Variants in MS4A15 observed in about 807,000 individuals in gnomAD.
MS4A15 encodes membrane-spanning 4-domains subfamily A member 15.
MS4A15 carries 22 observed loss-of-function variants against 20.6 expected under a neutral mutation model. The ratio of observed to expected loss-of-function variants is 1.07; its 90% CI spans 0.76 to 1.52. The LOEUF (loss-of-function observed/expected upper bound fraction) is 1.52. Among genes scored for constraint, MS4A15 ranks in the 40% most tolerant of loss-of-function variants. The pLI is 0.00. For missense variants in MS4A15, 312 were observed against 323.0 expected (o/e 0.97, Z 0.26); for synonymous variants, 129 against 129.3 (o/e 1.00, Z 0.02).
Position 60,771,312 on chromosome 11 carries a change from T to C in MS4A15, c.370T>C (p.Ser124Pro), listed in dbSNP as rs1332866368. 13 of 1,613,968 alleles carry C rather than the reference T, an allele frequency of 8.1e-6. No individual in the cohort carries two copies. Among genetic ancestry groups the C allele is most frequent in the Non-Finnish European group, 1.0e-5 (12 of 1,180,020 alleles). ...GACFIISGSLSVAAEKNHTSC... is the reference protein window; with the variant it reads ...GACFIISGSLPVAAEKNHTSC... Reference sequence around the variant, plus strand: ...ACAGTTCATCATCTCCGGATCCCTCTCAGTGGCAGCCGAGAAGAACCACAC... The same window carrying C: ...ACAGTTCATCATCTCCGGATCCCTCCCAGTGGCAGCCGAGAAGAACCACAC... The change falls in exon 4 of 7, where the codon TCA becomes CCA. Residue 124 changes from serine to proline, a missense_variant. Coordinates refer to ENST00000405633, the MANE Select transcript of MS4A15 (RefSeq NM_001098835.2).
intron 2 of MS4A15, among the ~76,000 whole-genome samples, 155 bp downstream of exon 2, chr11:60,764,113 C>T (rs1260050612): frequency 2.0e-5 from 3 of 152,194 alleles, no homozygotes; most frequent in South Asian, 2.1e-4. Context: ...GCACCCTTCC[C>T]GCATAAAGTT....
chr11:60,768,787 T>C (rs533174538), intron 3 of MS4A15, among the ~76,000 whole-genome samples: 12 of 152,326 alleles, frequency 7.9e-5, no homozygotes, highest in African/African-American at 2.9e-4. Context: ...CAAGTCCTTT[T>C]TCGAGAGAAA....
chr11:60,768,851 C>T (rs1423774457), intron 3 of MS4A15, among the ~76,000 whole-genome samples: 1 of 152,118 alleles, frequency 6.6e-6, no homozygotes, highest in Non-Finnish European at 1.5e-5. Context: ...GTTCCAGAAC[C>T]GAGGCACAGT....
intron 4 of MS4A15, among the ~76,000 whole-genome samples, chr11:60,773,165 C>T (rs943553050): frequency 1.2e-4 from 18 of 152,062 alleles, no homozygotes; most frequent in Admixed American, 1.2e-3. Context: ...TCCAAGAAGA[C>T]GAGAGAAGGA....
intron 1 of MS4A15, among the ~76,000 whole-genome samples, chr11:60,762,962 T>C (rs1256361044): frequency 6.6e-6 from 1 of 152,170 alleles, no homozygotes; most frequent in Non-Finnish European, 1.5e-5. Flanking sequence ...AGGTGTCTCA[T>C]GACCCTCAAA....
rs1853815816 is a variant in MS4A15 at position 60,763,888 on chromosome 11, C to A, written c.155C>A (p.Pro52Gln). ...FEEPPLGAQT[P>Q]RATQPPDLRP... ...GAGCCACCGCTGGGGGCACAGACAC[C>A]AAGGGCCACACAGCCACCTGACTTG... The change falls in exon 2 of 7, where the codon CCA (proline) becomes CAA (glutamine). Residue 52 changes from proline to glutamine, a missense_variant. By Grantham distance (76) the Pro-to-Gln change is moderately conservative. Transcript: ENST00000405633. 6.2e-7 allele frequency: 1 copy of A among 1,613,054 alleles called. No homozygotes were observed. The highest frequency in any genetic ancestry group is 1.3e-5 in the African/African-American group (1 of 75,006).
At chr11:60,758,602 A>G (rs1853648724) in intron 1 of MS4A15, among the ~76,000 whole-genome samples, 1 of 152,254 alleles carries the variant, frequency 6.6e-6, no homozygotes, top group Non-Finnish European at 1.5e-5. Flanking sequence ...GCATATGGCA[A>G]AAATAACCCT....
At position 60,763,816 on chromosome 11, in the gene MS4A15, T is replaced by C; in HGVS notation, c.83T>C (p.Ile28Thr). The C allele has an allele frequency of 2.5e-6, 4 of 1,612,520 alleles. No homozygotes were observed. The highest frequency in any genetic ancestry group is 3.4e-6 in the Non-Finnish European group (4 of 1,179,796). Residue 28 changes from isoleucine (I) to threonine (T), a missense_variant, in exon 2 of 7, where the codon ATT becomes ACT. Physicochemically the swap from Ile to Thr is moderately conservative, Grantham distance 89. Transcript: ENST00000405633. ...NASGLCPPPA[I>T]LPTSMCQPPG... ...AGTGGCCTCTGCCCACCTCCGGCCA[T>C]TCTGCCCACATCCATGTGCCAACCT...
intron 4 of MS4A15, among the ~76,000 whole-genome samples, chr11:60,772,736 G>A (rs1368690427): frequency 1.3e-5 from 2 of 152,094 alleles, no homozygotes; most frequent in Admixed American, 6.5e-5. Context: ...CGTCAGGTTC[G>A]GGCTGCACGG....
At chr11:60,772,594 C>T (rs754782652) in intron 4 of MS4A15, among the ~76,000 whole-genome samples, 1 of 152,228 alleles carries the variant, frequency 6.6e-6, no homozygotes, top group African/African-American at 2.4e-5. Context: ...TCTCAATGAC[C>T]TCCTGATTGC....
intron 1 of MS4A15, among the ~76,000 whole-genome samples, chr11:60,763,086 A>G (rs1853789764): frequency 1.3e-5 from 2 of 152,148 alleles, no homozygotes; most frequent in South Asian, 2.1e-4. Context: ...CTCGAGGCCC[A>G]CTCAGCTGGA....
chr11:60,771,893 T>C (rs1003739916), intron 4 of MS4A15: 3 of 606,988 alleles, frequency 4.9e-6, no homozygotes, highest in Admixed American at 7.8e-5. Flanking sequence ...ATGAGCTTTA[T>C]GTCAGGCTCA....
At chr11:60,766,871 C>T (rs1019034309) in intron 2 of MS4A15, among the ~76,000 whole-genome samples, 1 of 152,206 alleles carries the variant, frequency 6.6e-6, no homozygotes, top group African/African-American at 2.4e-5. Flanking sequence ...CCTGGGCTCC[C>T]AGGGCTGGAT....
chr11:60,765,839 G>A (rs952902168), intron 2 of MS4A15, among the ~76,000 whole-genome samples: 42 of 147,720 alleles, frequency 2.8e-4, no homozygotes, highest in East Asian at 7.9e-4. Flanking sequence ...CTGGAATTTC[G>A]AAGCCTCAAA....
intron 1 of MS4A15, among the ~76,000 whole-genome samples, chr11:60,761,793 T>C (rs1313990882): frequency 6.6e-6 from 1 of 152,252 alleles, no homozygotes. Context: ...ATAGTTGTGA[T>C]TTGTACTACG....
intron 3 of MS4A15, 42 bp from the exon 4 acceptor site, chr11:60,771,249 G>T: frequency 6.2e-7 from 1 of 1,610,542 alleles, no homozygotes; most frequent in Middle Eastern, 2.1e-4. Context: ...CCCTGCCCAG[G>T]GTCCTGGCTG....
intron 4 of MS4A15, chr11:60,771,779 A>G (rs1854051535): frequency 2.5e-6 from 3 of 1,207,644 alleles, no homozygotes; most frequent in Non-Finnish European, 3.2e-6. Context: ...GAAAGTGGAA[A>G]GAAATCAGAC....
intron 3 of MS4A15, among the ~76,000 whole-genome samples, chr11:60,770,404 C>A (rs1854003584): frequency 6.6e-6 from 1 of 151,992 alleles, no homozygotes; most frequent in African/African-American, 2.4e-5. Context: ...TCAAGACCAG[C>A]CTGACCAATA....
chr11:60,773,958 C>T lies in MS4A15; in HGVS notation c.612+8C>T, dbSNP rs767532572. Reference sequence around the variant, plus strand: ...CATGCCCAGGCCAGTGCAGTGAGTACCCCCACCCCCACCCCCACGTCCACT... The same window carrying T: ...CATGCCCAGGCCAGTGCAGTGAGTATCCCCACCCCCACCCCCACGTCCACT... On this transcript the variant is annotated splice_region_variant and intron_variant, in intron 6 of 6. Transcript: ENST00000405633. The T allele has an allele frequency of 6.3e-7, 1 of 1,584,236 alleles. No individual in the cohort carries two copies. Among genetic ancestry groups the T allele is most frequent in the South Asian group, 1.1e-5 (1 of 90,304 alleles).
Sources: gnomAD v4.1 joint callset for allele counts (sites outside exome capture counted in the v4.1 genomes callset) on GRCh38, gnomAD v4.1.1 for gene constraint, MANE v1.5 for transcripts, NCBI Gene and HGNC (gene_info 2026-07-23, HGNC 2026-07-21) for gene names.